The following CCDC42 variants were observed in gnomAD, a reference collection of about 807,000 sequenced individuals.
CCDC42 encodes coiled-coil domain containing 42, also known as coiled-coil domain-containing protein 42.
Under a neutral mutation model 40.8 loss-of-function variants are expected in CCDC42, and 38 were observed. The observed-to-expected ratio is 0.93, with a 90% confidence interval of 0.72 to 1.22. The LOEUF (loss-of-function observed/expected upper bound fraction) is 1.22, where lower values mean the gene tolerates loss of function less well. Among genes scored for constraint, CCDC42 ranks in the 50% most tolerant of loss-of-function variants. The pLI is 0.00. For missense variants in CCDC42, 379 were observed against 416.5 expected, an observed-to-expected ratio of 0.91 and a Z score of 0.78; for synonymous variants, 135 against 157.5, an observed-to-expected ratio of 0.86 and a Z score of 1.07.
rs193068855 is a variant in CCDC42 at position 8,740,853 on chromosome 17, G to A, written c.492+621C>T. Among the ~76,000 whole-genome samples the A allele has an allele frequency of 6.6e-4, 101 of 152,236 alleles. 2 individuals are homozygous for A. The South Asian group carries it at 0.011, about 16-fold the overall frequency. On this transcript the variant is annotated intron_variant, in intron 4 of 6. Transcript: ENST00000293845. Reference sequence around the variant, plus strand: ...CTCTGAACAGGTGACTTAACCTCTCGGAGCCTCCATTTCCTTCTCTGTAAA... The same window carrying A: ...CTCTGAACAGGTGACTTAACCTCTCAGAGCCTCCATTTCCTTCTCTGTAAA...
chr17:8,737,087 A>G (rs1437844522), intron 4 of CCDC42, among the ~76,000 whole-genome samples: 1 of 152,146 alleles, frequency 6.6e-6, no homozygotes, highest in African/African-American at 2.4e-5. Context: ...AAAGAAAAAG[A>G]AAAAAAGAAA....
intron 3 of CCDC42, among the ~76,000 whole-genome samples, chr17:8,742,884 C>T (rs2086653721): frequency 6.6e-6 from 1 of 152,244 alleles, no homozygotes; most frequent in Non-Finnish European, 1.5e-5. Flanking sequence ...GCCCAAATCT[C>T]TTCTGCCCCA....
chr17:8,736,399 G>C (rs2086611655), intron 4 of CCDC42, among the ~76,000 whole-genome samples: 1 of 152,194 alleles, frequency 6.6e-6, no homozygotes, highest in South Asian at 2.1e-4. Context: ...CCCCAGCCTG[G>C]TCCAGAACCA....
At chr17:8,734,929 G>A (rs930044072) in intron 6 of CCDC42, among the ~76,000 whole-genome samples, 167 bp downstream of exon 6, 1 of 152,124 alleles carries the variant, frequency 6.6e-6, no homozygotes, top group Non-Finnish European at 1.5e-5. Context: ...GAGACTCTGC[G>A]GGTGGGGCCC....
In CCDC42 at chr17:8,730,149, T is replaced by C. The variant is rs781345210; in HGVS notation, c.932A>G (p.Gln311Arg). 1 of 1,613,856 alleles carries C rather than the reference T, an allele frequency of 6.2e-7. No individual in the cohort carries two copies. The highest frequency in any genetic ancestry group is 8.5e-7 in the Non-Finnish European group (1 of 1,179,912). ...GCCTCCTTAAATCCGGACTCGCTGT[T>C]GTTCCTTCTTTTTCACCTCTGCCCA... ...DIWAEVKKKE[Q>R]QRVRI The change falls in exon 7 of 7, where the codon CAA (glutamine) becomes CGA (arginine). Residue 311 changes from glutamine to arginine, a missense_variant. Transcript: ENST00000293845.
At chr17:8,741,383 C>T in intron 4 of CCDC42, 91 bp downstream of exon 4, 1 of 1,313,690 alleles carries the variant, frequency 7.6e-7, no homozygotes, top group Non-Finnish European at 1.1e-6. Context: ...GCCAGCTGAG[C>T]CTGAATTCCA....
Position 8,735,627 on chromosome 17 carries a change from C to A in CCDC42, c.493-16G>T. 6.2e-7 allele frequency: 1 copy of A among 1,605,788 alleles called. No homozygotes were observed. Among genetic ancestry groups the A allele is most frequent in the South Asian group, 1.1e-5 (1 of 90,572 alleles). ...TCTCCTCGAACTGTGGTCAGGGGCT[C>A]AGGTCAATGCACAGCCAGCCCCTGG... On this transcript the variant is annotated splice_polypyrimidine_tract_variant and intron_variant, in intron 4 of 6. Coordinates refer to ENST00000293845, the MANE Select transcript of CCDC42 (RefSeq NM_144681.3). The surrounding 1 kb of genome is among the most constrained non-coding windows in gnomAD (Gnocchi z 4.7).
At position 8,743,696 on chromosome 17, in the gene CCDC42, C is replaced by T. The variant is rs1044515346; in HGVS notation, c.224G>A (p.Arg75His). Residue 75 changes from arginine to histidine, a missense_variant, in exon 3 of 7, where the codon CGC becomes CAC. Coordinates refer to ENST00000293845, the MANE Select transcript of CCDC42 (RefSeq NM_144681.3). ...FQRRMETLNL[R>H]WEELGVKEAQ... ...TTCCTTAACGCCCAGTTCCTCCCAG[C>T]GCAGGTTCAGGGTTTCCATTCTGCG... The T allele has an allele frequency of 1.2e-5, 19 of 1,610,870 alleles. No homozygotes were observed. Among genetic ancestry groups the T allele is most frequent in the South Asian group, 3.3e-5 (3 of 91,018 alleles).
chr17:8,730,498 C>T (rs1463321293), intron 6 of CCDC42, among the ~76,000 whole-genome samples: 2 of 152,098 alleles, frequency 1.3e-5, no homozygotes, highest in Non-Finnish European at 2.9e-5. Context: ...TGTGACCATG[C>T]CCAGCTAATT....
Position 8,743,636 on chromosome 17 carries a change from T to C in CCDC42, c.284A>G (p.Gln95Arg). ...QLKAHIQKSE[Q>R]FIQENDQKRI... ...CACACCCCTTCAAACCTGGATGAACTGCTCAGACTTCTGGATGTGAGCCTT... is the reference window on the plus strand; with the variant it reads ...CACACCCCTTCAAACCTGGATGAACCGCTCAGACTTCTGGATGTGAGCCTT... The change falls in exon 3 of 7, where the codon CAG becomes CGG. Residue 95 changes from glutamine (Q) to arginine (R), a missense_variant. By Grantham distance (43) the Gln-to-Arg change is conservative. Transcript: ENST00000293845. 1 of 1,606,012 alleles carries C rather than the reference T, an allele frequency of 6.2e-7. No homozygotes were observed. Among genetic ancestry groups the C allele is most frequent in the South Asian group, 1.1e-5 (1 of 90,930 alleles).
At chr17:8,732,641 C>T (rs1568049962) in intron 6 of CCDC42, among the ~76,000 whole-genome samples, 1 of 152,160 alleles carries the variant, frequency 6.6e-6, no homozygotes, top group African/African-American at 2.4e-5. Context: ...GTTTTAGAAA[C>T]GCTGTCTGCT....
chr17:8,743,737 GGT>G lies in CCDC42; in HGVS notation c.190-9_190-8del. 6.5e-7 allele frequency: 1 copy of G among 1,543,046 alleles called. No homozygotes were observed. Among genetic ancestry groups the G allele is most frequent in the Non-Finnish European group, 9.0e-7 (1 of 1,115,834 alleles). On this transcript the variant is annotated splice_polypyrimidine_tract_variant and splice_region_variant and intron_variant, in intron 2 of 6. Transcript: ENST00000293845. Reference sequence around the variant, plus strand: ...CCATTCTGCGCTGAAACATCTTTGGGGTGGGGGTGGGAGAGCAGAGAGGTCAG... The same window carrying G: ...CCATTCTGCGCTGAAACATCTTTGGGGGGGGTGGGAGAGCAGAGAGGTCAG...
intron 4 of CCDC42, among the ~76,000 whole-genome samples, chr17:8,736,680 A>C (rs1228199065): frequency 6.6e-6 from 1 of 152,140 alleles, no homozygotes; most frequent in Non-Finnish European, 1.5e-5. Flanking sequence ...CCAACCCAGC[A>C]CGGAAAGAGG....
rs764338223 is a variant in CCDC42 at position 8,741,675 on chromosome 17, G to A, written c.295-4C>T. 38 of 1,611,548 alleles carry A rather than the reference G, an allele frequency of 2.4e-5. 1 individual carries two copies. In the South Asian group the frequency reaches 4.1e-4, roughly 17 times the overall value. On this transcript the variant is annotated splice_region_variant and splice_polypyrimidine_tract_variant and intron_variant, in intron 3 of 6. Coordinates refer to ENST00000293845, the MANE Select transcript of CCDC42 (RefSeq NM_144681.3). ...GGATCCGTTTCTGGTCGTTCTCCTG[G>A]GGCCCGGGGAGGTGGCGCTGGTCAG...
intron 3 of CCDC42, among the ~76,000 whole-genome samples, chr17:8,742,376 T>C (rs2086650733): frequency 1.3e-5 from 2 of 152,124 alleles, no homozygotes; most frequent in Admixed American, 1.3e-4. Flanking sequence ...TGGGAGAGCA[T>C]GCTCCTAGGA....
At chr17:8,744,278 G>T in intron 1 of CCDC42, 94 bp from the exon 2 acceptor site, 1 of 936,652 alleles carries the variant, frequency 1.1e-6, no homozygotes, top group Non-Finnish European at 1.7e-6. Flanking sequence ...CCATGGGGAA[G>T]CAGAGGGGCC....
In CCDC42 at chr17:8,743,648, T is replaced by C; in HGVS notation, c.272A>G (p.Gln91Arg). 6.2e-7 allele frequency: 1 copy of C among 1,611,340 alleles called. No homozygotes were observed. Among genetic ancestry groups the C allele is most frequent in the Non-Finnish European group, 8.5e-7 (1 of 1,177,486 alleles). ...AACCTGGATGAACTGCTCAGACTTC[T>C]GGATGTGAGCCTTCAGTTGGGCTTC... ...VKEAQLKAHI[Q>R]KSEQFIQEND... The change falls in exon 3 of 7, where the codon CAG becomes CGG. Residue 91 changes from glutamine (Q) to arginine (R), a missense_variant. Gln to Arg is a conservative substitution (Grantham distance 43, BLOSUM62 1). Transcript: ENST00000293845.
intron 3 of CCDC42, 54 bp from the exon 4 acceptor site, chr17:8,741,725 G>T: frequency 1.9e-6 from 3 of 1,555,698 alleles, no homozygotes; most frequent in Non-Finnish European, 2.6e-6. Context: ...CCCTCCCGGG[G>T]CCCAGGCCTT....
At chr17:8,731,589 C>T (rs564975838) in intron 6 of CCDC42, among the ~76,000 whole-genome samples, 4 of 152,312 alleles carry the variant, frequency 2.6e-5, no homozygotes, top group South Asian at 2.1e-4. Context: ...AATGAGATCA[C>T]GTCCTTTGCA....
Sources: gnomAD v4.1 joint callset for allele counts (sites outside exome capture counted in the v4.1 genomes callset) on GRCh38, gnomAD v4.1.1 for gene constraint, Gnocchi (gnomAD v3.1) non-coding constraint, MANE v1.5 for transcripts, NCBI Gene and HGNC (gene_info 2026-07-23, HGNC 2026-07-21) for gene names.